Variants in SOX6 observed in about 807,000 individuals in gnomAD.
SOX6 encodes the protein transcription factor SOX-6.
Under a neutral mutation model 97.8 loss-of-function variants are expected in SOX6, and 11 were observed. The ratio of observed to expected loss-of-function variants is 0.11; its 90% CI spans 0.07 to 0.19. The LOEUF is 0.19. Among genes scored for constraint, SOX6 ranks in the 10% least tolerant of loss-of-function variants. The pLI is 1.00. For missense variants in SOX6, 810 were observed against 1,039.5 expected (o/e 0.78, Z 3.04); for synonymous variants, 360 against 371.4 (o/e 0.97, Z 0.35).
intron 1 of SOX6, among the ~76,000 whole-genome samples, chr11:16,454,623 T>C (rs1859781261): frequency 6.6e-6 from 1 of 152,002 alleles, no homozygotes; most frequent in Non-Finnish European, 1.5e-5. Context: ...AAAAGGCGAG[T>C]TGGACTTTAT....
intron 6 of SOX6, among the ~76,000 whole-genome samples, chr11:16,165,612 C>T (rs747872948): frequency 1.3e-5 from 2 of 152,048 alleles, no homozygotes; most frequent in African/African-American, 2.4e-5. Context: ...AATGACGAAT[C>T]CTAGGCCAGG....
upstream of SOX6, among the ~76,000 whole-genome samples, chr11:16,481,271 G>A (rs1366113787): frequency 6.6e-6 from 1 of 152,036 alleles, no homozygotes; most frequent in African/African-American, 2.4e-5. Context: ...AATAAAATGT[G>A]AAATTTGACT....
At chr11:16,709,199 C>A (rs1848158770) in intron 3 of SOX6, among the ~76,000 whole-genome samples, 2 of 152,112 alleles carry the variant, frequency 1.3e-5, no homozygotes, top group African/African-American at 4.8e-5. Flanking sequence ...ATAGCGAGTT[C>A]TCATAAGAAA....
intron 9 of SOX6, among the ~76,000 whole-genome samples, chr11:16,078,657 T>C (rs1453075400): frequency 1.3e-5 from 2 of 152,076 alleles, no homozygotes; most frequent in Non-Finnish European, 2.9e-5. Context: ...GATAAGCATA[T>C]AGATATGTAA....
chr11:16,706,474 ATATATATATATAT>A lies in SOX6; in HGVS notation n.429+8343_429+8355del, dbSNP rs1564873540. Among the ~76,000 whole-genome samples the A allele has an allele frequency of 3.5e-3, 48 of 13,770 alleles. 4 individuals carry two copies. The highest frequency in any genetic ancestry group is 8.1e-3 in the East Asian group (2 of 248). The allele number at this position is 13,770 out of a possible 152,430, so 9.0% of individuals were successfully genotyped here. On this transcript the variant is annotated intron_variant and non_coding_transcript_variant, in intron 3 of 5. Transcript: ENST00000524520. ...CAAAAAAAAAAAAAAAAAAAAAAAT[ATATATATATATAT>A]ATATATATATATATATATATATATA...
At chr11:16,403,073 T>C (rs1858602876) in intron 1 of SOX6, among the ~76,000 whole-genome samples, 1 of 151,612 alleles carries the variant, frequency 6.6e-6, no homozygotes. Context: ...GTATGCTACC[T>C]TTTAACTCAT....
At chr11:16,165,520 T>C (rs539754978) in intron 6 of SOX6, among the ~76,000 whole-genome samples, 1 of 152,330 alleles carries the variant, frequency 6.6e-6, no homozygotes, top group African/African-American at 2.4e-5. Flanking sequence ...CTATATCCCT[T>C]ACTATTCCTT....
At chr11:16,284,309 G>A (rs1045750413) in intron 3 of SOX6, among the ~76,000 whole-genome samples, 44 of 152,090 alleles carry the variant, frequency 2.9e-4, no homozygotes, top group African/African-American at 1.1e-3. Context: ...ATTTGCAAAT[G>A]TTATTGTCAT....
intron 3 of SOX6, among the ~76,000 whole-genome samples, chr11:16,678,895 G>A (rs1049450031): frequency 6.6e-6 from 1 of 152,198 alleles, no homozygotes; most frequent in African/African-American, 2.4e-5. Context: ...AGATTGGTGG[G>A]GGGAGGGGCA....
chr11:16,618,587 T>G (rs1414563427), intron 3 of SOX6, among the ~76,000 whole-genome samples: 1 of 151,892 alleles, frequency 6.6e-6, no homozygotes, highest in African/African-American at 2.4e-5. Context: ...CCAGTTTTCC[T>G]GACAATTAAC....
At chr11:16,484,123 G>A in intron 4 of SOX6, 1 of 772,514 alleles carries the variant, frequency 1.3e-6, no homozygotes. Context: ...ACTCAATCTG[G>A]TTAACTGCAG....
intron 4 of SOX6, among the ~76,000 whole-genome samples, chr11:16,189,007 G>A (rs921521266): frequency 1.3e-5 from 2 of 152,118 alleles, no homozygotes; most frequent in Admixed American, 1.3e-4. Flanking sequence ...AGGTTGCAGT[G>A]AGCCAAGGCC....
chr11:16,193,589 G>C (rs1046046657), intron 4 of SOX6, among the ~76,000 whole-genome samples: 1 of 152,168 alleles, frequency 6.6e-6, no homozygotes, highest in Admixed American at 6.5e-5. Flanking sequence ...ACAAATGTCT[G>C]TGTTTAGAGT....
chr11:16,523,252 T>C (rs1861101282), intron 4 of SOX6, among the ~76,000 whole-genome samples: 1 of 151,996 alleles, frequency 6.6e-6, no homozygotes, highest in South Asian at 2.1e-4. Context: ...CCTCAGCAAA[T>C]GTAAAAGAAC....
intron 3 of SOX6, among the ~76,000 whole-genome samples, chr11:16,622,843 A>C (rs1848564550): frequency 6.6e-6 from 1 of 152,062 alleles, no homozygotes; most frequent in Admixed American, 6.6e-5. Flanking sequence ...AAATCTCCAC[A>C]CTGTTTTTCA....
rs1294978839 is a variant in SOX6, at chr11:16,613,428, A to G, written n.430-1168T>C. On this transcript the variant is annotated intron_variant and non_coding_transcript_variant, in intron 3 of 5. Transcript: ENST00000524520. This position sits in a 1 kb window ranked among gnomAD's most constrained non-coding sequence, Gnocchi z 4.6. The stretch of plus-strand genomic sequence containing the variant: ...TCTTCTACCGCTGGCGGCGGCAACC[A>G]GAGCCTCTGTCTTGCCAGTTGCGCA... Among the ~76,000 whole-genome samples the G allele has an allele frequency of 1.3e-5, 2 of 151,958 alleles. No homozygotes were observed. Among genetic ancestry groups the G allele is most frequent in the South Asian group, 4.2e-4 (2 of 4,818 alleles).
intron 4 of SOX6, among the ~76,000 whole-genome samples, chr11:16,207,428 C>T (rs553867579): frequency 1.3e-5 from 2 of 151,794 alleles, no homozygotes; most frequent in Non-Finnish European, 2.9e-5. Flanking sequence ...CGGTGAAACC[C>T]CATCAAAATA....
In SOX6 at chr11:16,061,657, T is replaced by C. The variant is rs1452058164; in HGVS notation, c.1102-5756A>G. Among the ~76,000 whole-genome samples, 14 of 151,606 alleles carry C rather than the reference T, an allele frequency of 9.2e-5. 2 individuals carry two copies. The highest frequency in any genetic ancestry group is 9.2e-4 in the Admixed American group (14 of 15,168). On this transcript the variant is annotated intron_variant, in intron 9 of 15. Coordinates refer to ENST00000683767, the MANE Select transcript of SOX6 (RefSeq NM_001367873.1). The stretch of plus-strand genomic sequence containing the variant: ...GACTTCAAATTACACTACAAACCTA[T>C]AGTAATCAAAACAGTATGGTACTTG...
At chr11:16,687,305 G>T (rs1847977002) in intron 3 of SOX6, among the ~76,000 whole-genome samples, 1 of 152,158 alleles carries the variant, frequency 6.6e-6, no homozygotes, top group Non-Finnish European at 1.5e-5. Context: ...TCACATGGGA[G>T]AACAGGAGCA....
Sources: gnomAD v4.1 joint callset for allele counts (sites outside exome capture counted in the v4.1 genomes callset) on GRCh38, gnomAD v4.1.1 for gene constraint, Gnocchi (gnomAD v3.1) non-coding constraint, MANE v1.5 for transcripts, NCBI Gene and HGNC (gene_info 2026-07-23, HGNC 2026-07-21) for gene names.